The following THRAP3 variants were observed in gnomAD, a reference collection of about 807,000 sequenced individuals.
THRAP3 encodes the protein thyroid hormone receptor associated protein 3, also known as thyroid hormone receptor-associated protein 3.
A neutral mutation model predicts 101.0 loss-of-function variants in THRAP3; 16 were observed. The ratio of observed to expected loss-of-function variants is 0.16; its 90% CI spans 0.11 to 0.24. The LOEUF is 0.24. THRAP3 is among the 10% of genes least tolerant of loss of function. The pLI is 1.00. For synonymous variants in THRAP3, 407 were observed against 422.6 expected (o/e 0.96, Z 0.45); for missense variants, 989 against 1,202.7 (o/e 0.82, Z 2.63).
chr1:36,239,542 C>CA (rs1645130921), intron 1 of THRAP3, among the ~76,000 whole-genome samples: 1 of 152,196 alleles, frequency 6.6e-6, no homozygotes, highest in South Asian at 2.1e-4. Context: ...GCTGGGGTTA[C>CA]AGGCATGAGC....
chr1:36,278,146 C>G (rs941522959), intron 2 of THRAP3, among the ~76,000 whole-genome samples: 30 of 148,478 alleles, frequency 2.0e-4, no homozygotes, highest in Admixed American at 1.7e-3. Flanking sequence ...CTCACTGCAA[C>G]TTCCACCTCC....
At chr1:36,214,064 A>AAGAAAGAC in the THRAP3 span, among the ~76,000 whole-genome samples, 1 of 145,926 alleles carries the variant, frequency 6.9e-6, no homozygotes, top group Non-Finnish European at 1.5e-5. Context: ...GAAAGAAAGA[A>AAGAAAGAC]AGACAACTCC....
upstream of THRAP3, among the ~76,000 whole-genome samples, chr1:36,220,972 AATAT>A (rs1228406695): frequency 3.3e-3 from 307 of 93,968 alleles, no homozygotes; most frequent in Middle Eastern, 0.013. Flanking sequence ...AAAAAAAAAA[AATAT>A]ATATATATAT....
At chr1:36,227,557 A>G (rs995948815) in intron 1 of THRAP3, among the ~76,000 whole-genome samples, 2 of 152,118 alleles carry the variant, frequency 1.3e-5, no homozygotes, top group Non-Finnish European at 2.9e-5. Context: ...TGCTGGGATT[A>G]CAGGCATAAG....
intron 2 of THRAP3, among the ~76,000 whole-genome samples, chr1:36,264,196 A>G (rs1191690646): frequency 4.6e-5 from 7 of 152,208 alleles, no homozygotes; most frequent in Non-Finnish European, 8.8e-5. Flanking sequence ...TTTAATAAAT[A>G]GCAAGAAAAT....
chr1:36,247,801 T>TA lies in THRAP3; in HGVS notation c.-134-11580dup, dbSNP rs200629170. Reference sequence around the variant, plus strand: ...ACAGTACATTATTATTTACTGCACTTACCATGTTGCCCAACTTATTCCTCT... The same window carrying TA: ...ACAGTACATTATTATTTACTGCACTTAACCATGTTGCCCAACTTATTCCTCT... On this transcript the variant is annotated intron_variant, in intron 1 of 11. Transcript: ENST00000354618. 3.9e-3 allele frequency among the ~76,000 whole-genome samples: 599 copies of TA among 152,184 alleles called. 4 individuals are homozygous for TA. The highest frequency in any genetic ancestry group is 0.031 in the East Asian group (159 of 5,184).
intron 2 of THRAP3, among the ~76,000 whole-genome samples, chr1:36,262,110 G>A (rs938299268): frequency 4.6e-5 from 7 of 152,036 alleles, no homozygotes; most frequent in African/African-American, 1.7e-4. Flanking sequence ...AAATTTGAAC[G>A]ATATGTTTTA....
At chr1:36,272,241 AC>A (rs750026307) in intron 2 of THRAP3, among the ~76,000 whole-genome samples, 26 of 151,992 alleles carry the variant, frequency 1.7e-4, no homozygotes, top group Non-Finnish European at 2.6e-4. Context: ...GAGGGACATC[AC>A]CCCCACTTTT....
At chr1:36,275,949 A>G (rs999186180) in intron 2 of THRAP3, among the ~76,000 whole-genome samples, 1 of 151,994 alleles carries the variant, frequency 6.6e-6, no homozygotes, top group African/African-American at 2.4e-5. Context: ...AGCCCAGGAA[A>G]CTGAGGCTGC....
intron 9 of THRAP3, among the ~76,000 whole-genome samples, chr1:36,299,876 C>T (rs1646009982): frequency 6.6e-6 from 1 of 152,158 alleles, no homozygotes; most frequent in Non-Finnish European, 1.5e-5. Flanking sequence ...GTTGAAGTTA[C>T]ATGAATCCTA....
the THRAP3 span, among the ~76,000 whole-genome samples, chr1:36,212,636 T>C: frequency 6.6e-6 from 1 of 152,016 alleles, no homozygotes; most frequent in East Asian, 1.9e-4. Flanking sequence ...GCCACACTGG[T>C]CTCGAATTCC....
chr1:36,300,866 T>C lies in THRAP3; in HGVS notation c.2304-20T>C. ...CCCTTAGAAAGATGATTGATCACCC[T>C]GGCTCTTCTCTTTTCACAGGAAGCA... is the stretch of plus-strand genomic sequence containing the variant. On this transcript the variant is annotated intron_variant, in intron 9 of 11. Transcript: ENST00000354618. The C allele has an allele frequency of 6.2e-7, 1 of 1,611,964 alleles. No homozygotes were observed. The highest frequency in any genetic ancestry group is 8.5e-7 in the Non-Finnish European group (1 of 1,179,584).
chr1:36,300,211 G>A (rs769168496), intron 9 of THRAP3, among the ~76,000 whole-genome samples: 105 of 152,282 alleles, frequency 6.9e-4, no homozygotes, highest in Non-Finnish European at 8.8e-5. Flanking sequence ...GGAGAGTTGC[G>A]CCAGATCCTA....
At chr1:36,298,765 C>T (rs2124641010) in intron 9 of THRAP3, among the ~76,000 whole-genome samples, 1 of 152,064 alleles carries the variant, frequency 6.6e-6, no homozygotes, top group Admixed American at 6.5e-5. Flanking sequence ...CCTTGGCCTC[C>T]CAAAGCATGG....
chr1:36,262,828 C>G (rs1183493664), intron 2 of THRAP3, among the ~76,000 whole-genome samples: 1 of 151,192 alleles, frequency 6.6e-6, no homozygotes, highest in East Asian at 1.9e-4. Flanking sequence ...AAGTCTTGCT[C>G]TGTCTCCCAG....
At chr1:36,267,587 A>G (rs2124520577) in intron 2 of THRAP3, among the ~76,000 whole-genome samples, 1 of 152,270 alleles carries the variant, frequency 6.6e-6, no homozygotes, top group African/African-American at 2.4e-5. Context: ...ACCCAATTCC[A>G]GGGGTATTGA....
intron 11 of THRAP3, among the ~76,000 whole-genome samples, chr1:36,303,418 T>C (rs1646055024): frequency 6.6e-6 from 1 of 151,830 alleles, no homozygotes; most frequent in Non-Finnish European, 1.5e-5. Context: ...GTTTGCAGAG[T>C]GGGAGGTGAT....
chr1:36,256,976 T>C (rs1204278652), intron 1 of THRAP3, among the ~76,000 whole-genome samples: 5 of 152,118 alleles, frequency 3.3e-5, no homozygotes, highest in Admixed American at 6.6e-5. Context: ...TTTGTGTTTT[T>C]AGTAAAGACG....
chr1:36,209,818 C>A, the THRAP3 span, among the ~76,000 whole-genome samples: 1 of 152,186 alleles, frequency 6.6e-6, no homozygotes, highest in African/African-American at 2.4e-5. Context: ...CAATTTAATT[C>A]TGAGAGGAGT....
Sources: gnomAD v4.1 joint callset for allele counts (sites outside exome capture counted in the v4.1 genomes callset) on GRCh38, gnomAD v4.1.1 for gene constraint, MANE v1.5 for transcripts, NCBI Gene and HGNC (gene_info 2026-07-23, HGNC 2026-07-21) for gene names.